CACNA2D3: variants seen among roughly 807,000 people sequenced by gnomAD.
CACNA2D3 encodes voltage-dependent calcium channel subunit alpha-2/delta-3.
Under a neutral mutation model 160.6 loss-of-function variants are expected in CACNA2D3, and 60 were observed. The observed-to-expected ratio is 0.37, with a 90% CI of 0.30 to 0.46. The LOEUF (loss-of-function observed/expected upper bound fraction) is 0.46. CACNA2D3 is among the 20% of genes least tolerant of loss of function. CACNA2D3 has a pLI of 1.00. For synonymous variants in CACNA2D3, 558 were observed against 492.9 expected (o/e 1.13, Z -1.75); for missense variants, 1,205 against 1,365.0 (o/e 0.88, Z 1.85).
intron 4 of CACNA2D3, among the ~76,000 whole-genome samples, chr3:54,478,014 A>G (rs1401713949): frequency 1.3e-5 from 2 of 152,086 alleles, no homozygotes; most frequent in East Asian, 3.9e-4. Context: ...CATTTTCCTC[A>G]TTTTTGCTTA....
chr3:54,425,235 G>A (rs1575447902), intron 4 of CACNA2D3, among the ~76,000 whole-genome samples: 1 of 152,260 alleles, frequency 6.6e-6, no homozygotes, highest in East Asian at 1.9e-4. Flanking sequence ...AGGAAGCTTA[G>A]GCAGGAGAAT....
intron 4 of CACNA2D3, among the ~76,000 whole-genome samples, chr3:54,440,624 T>C (rs1700129028): frequency 1.3e-5 from 2 of 152,314 alleles, no homozygotes; most frequent in East Asian, 1.9e-4. Flanking sequence ...CTCCTAATGC[T>C]ATCCCTCCCT....
chr3:54,989,189 G>A (rs372397552), intron 31 of CACNA2D3, among the ~76,000 whole-genome samples: 36 of 152,320 alleles, frequency 2.4e-4, no homozygotes, highest in African/African-American at 7.5e-4. Context: ...AATCGCACAC[G>A]TGTTTCTCAT....
At chr3:54,792,958 G>T (rs1702792560) in intron 13 of CACNA2D3, among the ~76,000 whole-genome samples, 1 of 152,168 alleles carries the variant, frequency 6.6e-6, no homozygotes, top group Admixed American at 6.5e-5. Flanking sequence ...GCAAAAAACT[G>T]CTGTTTTCTA....
At chr3:54,926,182 C>T (rs1400796489) in intron 27 of CACNA2D3, among the ~76,000 whole-genome samples, 5 of 152,084 alleles carry the variant, frequency 3.3e-5, no homozygotes, top group Non-Finnish European at 5.9e-5. Context: ...TTAGTAATGA[C>T]AAAAATCTCA....
intron 12 of CACNA2D3, among the ~76,000 whole-genome samples, chr3:54,760,133 CACA>C (rs1221120264): frequency 4.6e-5 from 7 of 152,102 alleles, no homozygotes; most frequent in Admixed American, 6.5e-5. Context: ...TTAGAGAGAA[CACA>C]ATAAGCAAGT....
intron 20 of CACNA2D3, among the ~76,000 whole-genome samples, chr3:54,880,527 G>T (rs1699769869): frequency 6.6e-6 from 1 of 152,178 alleles, no homozygotes; most frequent in Admixed American, 6.5e-5. Flanking sequence ...TGCTGGAAGG[G>T]CGAGCAGTTT....
intron 27 of CACNA2D3, among the ~76,000 whole-genome samples, chr3:54,943,997 C>A (rs1424926267): frequency 6.6e-6 from 1 of 152,180 alleles, no homozygotes; most frequent in African/African-American, 2.4e-5. Context: ...GCCTTCGTTT[C>A]CTAACCATTT....
At chr3:54,350,357 T>A (rs909310478) in intron 3 of CACNA2D3, among the ~76,000 whole-genome samples, 4 of 152,202 alleles carry the variant, frequency 2.6e-5, no homozygotes, top group African/African-American at 4.8e-5. Context: ...CATTTTTTTT[T>A]AAATTAAGCA....
chr3:54,433,986 A>C (rs940022314), intron 4 of CACNA2D3, among the ~76,000 whole-genome samples: 2 of 152,332 alleles, frequency 1.3e-5, no homozygotes, highest in Admixed American at 1.3e-4. Flanking sequence ...TGTCAGCGGA[A>C]ATGAGCAAGG....
At position 54,612,501 on chromosome 3, in the gene CACNA2D3, C is replaced by G. The variant is rs1007166858; in HGVS notation, c.964-15286C>G. ...CTGAACCCCAAGTGAAGGACCTTCTCTAGCTCCTGCATTTATTATCTTTGT... is the reference window on the plus strand; with the variant it reads ...CTGAACCCCAAGTGAAGGACCTTCTGTAGCTCCTGCATTTATTATCTTTGT... On this transcript the variant is annotated intron_variant, in intron 9 of 37. Coordinates refer to ENST00000474759, the MANE Select transcript of CACNA2D3 (RefSeq NM_018398.3). Among the ~76,000 whole-genome samples, 5 of 152,302 alleles carry G rather than the reference C, an allele frequency of 3.3e-5. No individual in the cohort carries two copies. The South Asian group carries it at 8.3e-4, about 25-fold the overall frequency.
chr3:54,425,329 C>A (rs1034209541), intron 4 of CACNA2D3, among the ~76,000 whole-genome samples: 5 of 150,402 alleles, frequency 3.3e-5, no homozygotes, highest in Non-Finnish European at 7.4e-5. Flanking sequence ...GAAACTCCAT[C>A]TCAAAACAAA....
chr3:54,660,638 C>G (rs142691073), intron 11 of CACNA2D3, among the ~76,000 whole-genome samples: 409 of 152,294 alleles, frequency 2.7e-3, no homozygotes, highest in Non-Finnish European at 5.4e-3. Flanking sequence ...TGGCCATCAA[C>G]AGATTATCTG....
chr3:54,995,833 C>T (rs1347937275), intron 31 of CACNA2D3, among the ~76,000 whole-genome samples: 1 of 152,182 alleles, frequency 6.6e-6, no homozygotes, highest in Non-Finnish European at 1.5e-5. Context: ...TTGCTTCAAA[C>T]TATATGAGTC....
intron 5 of CACNA2D3, among the ~76,000 whole-genome samples, chr3:54,511,605 C>T (rs1274315892): frequency 6.6e-6 from 1 of 152,044 alleles, no homozygotes; most frequent in Non-Finnish European, 1.5e-5. Context: ...TTTTTAATCT[C>T]TTTTTTCAAA....
intron 10 of CACNA2D3, among the ~76,000 whole-genome samples, chr3:54,631,096 C>T (rs1699227444): frequency 6.6e-6 from 1 of 151,784 alleles, no homozygotes; most frequent in Admixed American, 6.6e-5. Flanking sequence ...CCCAGCTATT[C>T]GGGAGGCTGA....
At chr3:54,785,299 C>T (rs1702615364) in intron 13 of CACNA2D3, among the ~76,000 whole-genome samples, 1 of 152,158 alleles carries the variant, frequency 6.6e-6, no homozygotes, top group Admixed American at 6.6e-5. Context: ...TATGTAACAT[C>T]TGCTCCTCAG....
At chr3:54,475,809 T>TGTGTGTGTG (rs138448154) in intron 4 of CACNA2D3, among the ~76,000 whole-genome samples, 2 of 142,726 alleles carry the variant, frequency 1.4e-5, no homozygotes, top group Non-Finnish European at 3.0e-5. Flanking sequence ...TGGTTACCAT[T>TGTGTGTGTG]TGTGTGTGTG....
chr3:54,563,488 C>T (rs765411131), intron 6 of CACNA2D3, among the ~76,000 whole-genome samples: 6 of 152,182 alleles, frequency 3.9e-5, no homozygotes, highest in South Asian at 2.1e-4. Flanking sequence ...GTACTCCCAG[C>T]GGTGCGTATC....
Sources: gnomAD v4.1 joint callset for allele counts (sites outside exome capture counted in the v4.1 genomes callset) on GRCh38, gnomAD v4.1.1 for gene constraint, MANE v1.5 for transcripts, NCBI Gene and HGNC (gene_info 2026-07-23, HGNC 2026-07-21) for gene names.